The following RAP1GDS1 variants were observed in gnomAD, a reference collection of about 807,000 sequenced individuals.
RAP1GDS1 encodes the protein Rap1 GTPase-GDP dissociation stimulator 1, also known as RAP1, GTP-GDP dissociation stimulator 1.
A neutral mutation model predicts 71.1 loss-of-function variants in RAP1GDS1; 35 were observed. The observed-to-expected ratio is 0.49, with a 90% confidence interval of 0.38 to 0.65. The LOEUF is 0.65. Ranked by LOEUF, RAP1GDS1 falls within the 30% of genes least tolerant of loss-of-function variation. RAP1GDS1 has a pLI of 0.00. For missense variants in RAP1GDS1, 663 were observed against 706.1 expected (o/e 0.94, Z 0.69); for synonymous variants, 229 against 243.1 (o/e 0.94, Z 0.54).
chr4:98,391,678 A>C (rs571600656), intron 5 of RAP1GDS1, among the ~76,000 whole-genome samples: 1 of 152,094 alleles, frequency 6.6e-6, no homozygotes, highest in Non-Finnish European at 1.5e-5. Flanking sequence ...ATGGTATAAG[A>C]CCCCATTTAG....
chr4:98,370,653 T>G (rs762315242), intron 4 of RAP1GDS1, among the ~76,000 whole-genome samples: 1 of 151,714 alleles, frequency 6.6e-6, no homozygotes, highest in Non-Finnish European at 1.5e-5. Context: ...TCATTGCAAC[T>G]TCCACCTCCT....
chr4:98,362,005 G>T (rs1017413270), intron 4 of RAP1GDS1, among the ~76,000 whole-genome samples: 1 of 152,016 alleles, frequency 6.6e-6, no homozygotes, highest in Non-Finnish European at 1.5e-5. Flanking sequence ...AATAAATTGC[G>T]TTTTGAGTTT....
chr4:98,377,812 T>G (rs1741385864), intron 4 of RAP1GDS1, among the ~76,000 whole-genome samples: 1 of 151,844 alleles, frequency 6.6e-6, no homozygotes, highest in South Asian at 2.1e-4. Flanking sequence ...TCATTTATTT[T>G]GCTGATCTTT....
chr4:98,350,927 C>T (rs1737092124), intron 3 of RAP1GDS1, among the ~76,000 whole-genome samples: 1 of 152,158 alleles, frequency 6.6e-6, no homozygotes, highest in South Asian at 2.1e-4. Flanking sequence ...GGGAGGATCC[C>T]TTAAGCTCAG....
chr4:98,386,055 T>TA (rs146647509), intron 5 of RAP1GDS1, among the ~76,000 whole-genome samples: 210 of 143,598 alleles, frequency 1.5e-3, no homozygotes, highest in South Asian at 3.1e-3. Flanking sequence ...TAGTCCTCTT[T>TA]AAAAAAAAAA....
At chr4:98,371,507 T>C (rs1740381582) in intron 4 of RAP1GDS1, among the ~76,000 whole-genome samples, 1 of 151,656 alleles carries the variant, frequency 6.6e-6, no homozygotes, top group South Asian at 2.1e-4. Flanking sequence ...GATGGAGTCT[T>C]GCTCTGTTGC....
At chr4:98,324,457 C>T (rs1258247914) in intron 2 of RAP1GDS1, among the ~76,000 whole-genome samples, 9 of 150,914 alleles carry the variant, frequency 6.0e-5, no homozygotes, top group East Asian at 1.9e-4. Context: ...GAGCCCGCAT[C>T]GCCAAGTCAA....
rs1302861374 is a variant in RAP1GDS1, at chr4:98,413,261, A to G, written c.764-3484A>G. On this transcript the variant is annotated intron_variant, in intron 7 of 14. Transcript: ENST00000408927. ...ATACTTTAAGTTTTAGGGTACATGTACACATTGTGCAGGTTAGTTACATAT... is the reference window on the plus strand; with the variant it reads ...ATACTTTAAGTTTTAGGGTACATGTGCACATTGTGCAGGTTAGTTACATAT... Among the ~76,000 whole-genome samples, 6 of 151,312 alleles carry G rather than the reference A, an allele frequency of 4.0e-5. No homozygotes were observed. In the East Asian group the frequency reaches 9.7e-4, roughly 25 times the overall value.
At chr4:98,438,320 G>A (rs1232208212) in intron 14 of RAP1GDS1, among the ~76,000 whole-genome samples, 1 of 151,386 alleles carries the variant, frequency 6.6e-6, no homozygotes, top group East Asian at 1.9e-4. Context: ...ACATTCACAT[G>A]ATCTTTTCTC....
At chr4:98,377,012 A>T (rs1341555293) in intron 4 of RAP1GDS1, among the ~76,000 whole-genome samples, 2 of 151,964 alleles carry the variant, frequency 1.3e-5, no homozygotes, top group Non-Finnish European at 2.9e-5. Context: ...CTTAGTGTGG[A>T]TAAGAAGCCA....
At chr4:98,441,410 A>G (rs1751852789) in intron 14 of RAP1GDS1, 1 of 984,988 alleles carries the variant, frequency 1.0e-6, no homozygotes, top group African/African-American at 1.7e-5. Flanking sequence ...GATATGAAGT[A>G]TAAACTTTTC....
chr4:98,406,350 G>GA (rs973076942), intron 7 of RAP1GDS1, among the ~76,000 whole-genome samples: 4 of 151,764 alleles, frequency 2.6e-5, no homozygotes, highest in African/African-American at 9.7e-5. Flanking sequence ...TAATAGGGTA[G>GA]AAAAAATATA....
chr4:98,406,835 C>T (rs1746191295), intron 7 of RAP1GDS1, among the ~76,000 whole-genome samples: 1 of 151,910 alleles, frequency 6.6e-6, no homozygotes, highest in Admixed American at 6.6e-5. Flanking sequence ...AAAAAGAAAA[C>T]CAGGAAATCG....
intron 4 of RAP1GDS1, among the ~76,000 whole-genome samples, chr4:98,360,439 A>T (rs1192752614): frequency 6.9e-6 from 1 of 144,012 alleles, no homozygotes; most frequent in African/African-American, 2.6e-5. Context: ...GTAGGGTGGG[A>T]AAAGTCTAAT....
intron 12 of RAP1GDS1, among the ~76,000 whole-genome samples, chr4:98,426,367 C>T (rs951942081): frequency 1.3e-5 from 2 of 151,732 alleles, no homozygotes; most frequent in Non-Finnish European, 2.9e-5. Context: ...AAGGAAATAA[C>T]CAAGATCAGA....
chr4:98,278,102 G>A (rs1169105154), intron 1 of RAP1GDS1, among the ~76,000 whole-genome samples: 1 of 152,112 alleles, frequency 6.6e-6, no homozygotes, highest in Non-Finnish European at 1.5e-5. Context: ...AGGAGGCTGA[G>A]GCATGAGAAT....
intron 4 of RAP1GDS1, among the ~76,000 whole-genome samples, chr4:98,364,981 G>A (rs1739265825): frequency 6.6e-6 from 1 of 152,000 alleles, no homozygotes; most frequent in African/African-American, 2.4e-5. Context: ...TCAGGCCACT[G>A]CATTCCAGCC....
chr4:98,413,184 C>T (rs1747333815), intron 7 of RAP1GDS1, among the ~76,000 whole-genome samples: 2 of 151,626 alleles, frequency 1.3e-5, no homozygotes, highest in African/African-American at 4.9e-5. Flanking sequence ...TTATAGACCT[C>T]CCCCCAGGAA....
intron 7 of RAP1GDS1, among the ~76,000 whole-genome samples, chr4:98,411,059 C>G (rs182070733): frequency 1.3e-5 from 2 of 152,262 alleles, no homozygotes; most frequent in Admixed American, 6.5e-5. Context: ...GGTTTTCTTT[C>G]ACTCTTTAAA....
Sources: allele counts gnomAD v4.1 joint callset (sites outside exome capture counted in the v4.1 genomes callset), GRCh38; gene constraint gnomAD v4.1.1; transcripts MANE v1.5; gene names NCBI Gene and HGNC (gene_info 2026-07-23, HGNC 2026-07-21).